Variants in ROS1 observed in about 807,000 individuals in gnomAD.
ROS1 encodes the protein proto-oncogene tyrosine-protein kinase ROS.
ROS1 carries 263 observed loss-of-function variants against 273.5 expected under a neutral mutation model. The ratio of observed to expected loss-of-function variants is 0.96; its 90% confidence interval spans 0.87 to 1.06. ROS1 has a LOEUF of 1.06. ROS1 is among the 50% of genes least tolerant of loss of function. The pLI is 0.00. For synonymous variants in ROS1, 1,008 were observed against 954.1 expected (o/e 1.06, Z -1.04); for missense variants, 2,833 against 2,751.1 (o/e 1.03, Z -0.67).
rs200110111 is a variant in ROS1, at chr6:117,320,059, C to T, written c.5760-29G>A. On this transcript the variant is annotated intron_variant, in intron 36 of 43. Transcript: ENST00000368507. ...TAAAATAGCAACATTTTTGTCTCCC[C>T]ACCCTCCACATATATAGGGTGTACA... The T allele has an allele frequency of 3.2e-4, 517 of 1,604,212 alleles. 5 individuals carry two copies. The East Asian group carries it at 8.2e-3, about 25-fold the overall frequency.
intron 42 of ROS1, among the ~76,000 whole-genome samples, chr6:117,303,267 C>T (rs2128540123): frequency 6.6e-6 from 1 of 152,178 alleles, no homozygotes; most frequent in Admixed American, 6.5e-5. Flanking sequence ...ATTAGTACTA[C>T]TATATGAACA....
intron 26 of ROS1, among the ~76,000 whole-genome samples, chr6:117,354,632 A>G (rs1582714676): frequency 6.6e-6 from 1 of 152,338 alleles, no homozygotes; most frequent in East Asian, 1.9e-4. Flanking sequence ...TTCTTGCAAC[A>G]TCATAACATC....
chr6:117,341,377 A>G (rs1332282342), intron 30 of ROS1, 23 bp downstream of exon 30: 1 of 1,611,482 alleles, frequency 6.2e-7, no homozygotes, highest in Non-Finnish European at 8.5e-7. Flanking sequence ...GACAATAAAG[A>G]GTGCCTAGTA....
chr6:117,406,111 C>T (rs1774377187), intron 5 of ROS1, among the ~76,000 whole-genome samples: 1 of 152,116 alleles, frequency 6.6e-6, no homozygotes, highest in Non-Finnish European at 1.5e-5. Context: ...TGCCCCTGTA[C>T]TCCAGCCTGG....
At chr6:117,421,781 CT>C (rs1775780330) in intron 1 of ROS1, among the ~76,000 whole-genome samples, 1 of 152,018 alleles carries the variant, frequency 6.6e-6, no homozygotes, top group African/African-American at 2.4e-5. Flanking sequence ...ATGTGTAATA[CT>C]TTTTTTCCAC....
intron 5 of ROS1, among the ~76,000 whole-genome samples, chr6:117,406,947 T>A (rs572244399): frequency 6.6e-6 from 1 of 152,184 alleles, no homozygotes; most frequent in African/African-American, 2.4e-5. Flanking sequence ...TGTGTTTACC[T>A]TGAGTGTCTA....
rs2128742434 is a variant in ROS1 at position 117,414,413 on chromosome 6, T to C, written c.255+106A>G. 1.0e-5 allele frequency: 7 copies of C among 692,502 alleles called. No individual in the cohort carries two copies. In the South Asian group the frequency reaches 1.0e-4, roughly 10 times the overall value. The allele number at this position is 692,502 out of a possible 1,614,324, so 42.9% of individuals were successfully genotyped here. A position where few individuals can be genotyped will look rare whatever the true frequency, so the allele number is the denominator to read the frequency against. ...AACACTTTGAGGAAGAATGTCTCAG[T>C]GCACTGAGAATTTTAGGTTTCTTCA... On this transcript the variant is annotated intron_variant, in intron 4 of 43. Transcript: ENST00000368507.
intron 34 of ROS1, 88 bp downstream of exon 34, chr6:117,326,136 T>C: frequency 6.1e-6 from 3 of 488,000 alleles, no homozygotes; most frequent in Non-Finnish European, 1.1e-5. Context: ...TAGTCACCAT[T>C]ATCTATTGCT....
At chr6:117,362,467 T>A in intron 22 of ROS1, 136 bp downstream of exon 22, 1 of 710,296 alleles carries the variant, frequency 1.4e-6, no homozygotes, top group East Asian at 2.9e-5. Flanking sequence ...CACATAATTT[T>A]AAAAAACTAT....
At chr6:117,360,049 A>G in intron 23 of ROS1, 38 bp from the exon 24 acceptor site, 1 of 1,537,978 alleles carries the variant, frequency 6.5e-7, no homozygotes, top group South Asian at 1.1e-5. Flanking sequence ...ATGCATGAGA[A>G]AACTGACTTT....
At chr6:117,364,994 C>T (rs1780090376) in intron 21 of ROS1, 66 bp downstream of exon 21, 2 of 1,440,722 alleles carry the variant, frequency 1.4e-6, no homozygotes, top group Non-Finnish European at 1.9e-6. Flanking sequence ...ATCAACTATC[C>T]ATTCCAGATC....
intron 42 of ROS1, chr6:117,301,779 C>T (rs924533493): frequency 1.3e-5 from 2 of 152,236 alleles, no homozygotes; most frequent in Admixed American, 1.3e-4. Context: ...CTCCATTCCA[C>T]ACAGATATTT....
At chr6:117,322,803 G>A (rs571081260) in intron 35 of ROS1, among the ~76,000 whole-genome samples, 12 of 152,252 alleles carry the variant, frequency 7.9e-5, no homozygotes, top group Admixed American at 5.2e-4. Context: ...GCAAAGAACC[G>A]AATTAGCTTA....
Position 117,301,042 on chromosome 6 carries a change from A to G in ROS1, c.6647T>C (p.Phe2216Ser), listed in dbSNP as rs759025806. 12 of 1,606,804 alleles carry G rather than the reference A, an allele frequency of 7.5e-6. No individual in the cohort carries two copies. Among genetic ancestry groups the G allele is most frequent in the South Asian group, 1.1e-5 (1 of 88,722 alleles). ...TCTGGACTTATAAATGCTATTTAAGAAAAAATTTCTGAATAACTGAAGTTG... is the reference window on the plus strand; with the variant it reads ...TCTGGACTTATAAATGCTATTTAAGGAAAAATTTCTGAATAACTGAAGTTG... The part of the protein sequence containing the change: ...QDQLQLFRNF[F>S]LNSIYKSRDE... The change falls in exon 43 of 44, where the codon TTC (phenylalanine) becomes TCC (serine). Residue 2216 changes from phenylalanine to serine, a missense_variant. Coordinates refer to ENST00000368507, the MANE Select transcript of ROS1 (RefSeq NM_001378902.1).
chr6:117,397,182 TG>T, intron 7 of ROS1, 66 bp from the exon 8 acceptor site: 1 of 1,082,864 alleles, frequency 9.2e-7, no homozygotes, highest in South Asian at 1.4e-5. Context: ...TAAAATAAGA[TG>T]GAAAAAAGTC....
At chr6:117,386,618 G>T (rs1217767124) in intron 15 of ROS1, among the ~76,000 whole-genome samples, 1 of 152,198 alleles carries the variant, frequency 6.6e-6, no homozygotes, top group Admixed American at 6.5e-5. Flanking sequence ...AGATGGCATT[G>T]GTAGATTAAT....
At position 117,288,531 on chromosome 6, in the gene ROS1, G is replaced by A. The variant is rs2128520567; in HGVS notation, c.6987C>T (p.Ala2329=). The A allele has an allele frequency of 6.2e-7, 1 of 1,614,088 alleles. No individual in the cohort carries two copies. Among genetic ancestry groups the A allele is most frequent in the African/African-American group, 1.3e-5 (1 of 75,024 alleles). The change falls in exon 44 of 44, where the codon GCC becomes GCT. Residue 2329 remains alanine, a synonymous_variant. Transcript: ENST00000368507. ...CTCCATATCCACTGTGAGTGAGACA[G>A]GCATAGTTCAGGCCTTCAGGCTTGC... is the stretch of plus-strand genomic sequence containing the variant. ...PSGKPEGLNY[A]CLTHSGYGDG...
At chr6:117,414,483 G>A in intron 4 of ROS1, 36 bp downstream of exon 4, 1 of 741,728 alleles carries the variant, frequency 1.3e-6, no homozygotes, top group Non-Finnish European at 2.4e-6. Context: ...GAAGACATGT[G>A]GCTTGATTAC....
chr6:117,387,690 T>C (rs1447825666), intron 14 of ROS1, 90 bp downstream of exon 14: 1 of 1,374,142 alleles, frequency 7.3e-7, no homozygotes, highest in Non-Finnish European at 1.0e-6. Flanking sequence ...CATTCTCATT[T>C]CTTTAAACCC....
Sources: gnomAD v4.1 joint callset for allele counts (sites outside exome capture counted in the v4.1 genomes callset) on GRCh38, gnomAD v4.1.1 for gene constraint, MANE v1.5 for transcripts, NCBI Gene and HGNC (gene_info 2026-07-23, HGNC 2026-07-21) for gene names.